Variants in SASH1 observed in about 807,000 individuals in gnomAD.
SASH1 encodes SAM and SH3 domain containing 1, also known as SAM and SH3 domain-containing protein 1.
In SASH1, 44 loss-of-function variants were observed where a neutral mutation model predicts 125.2. The ratio of observed to expected loss-of-function variants is 0.35; its 90% CI spans 0.28 to 0.45. SASH1 has a LOEUF of 0.45. SASH1 is among the 20% of genes least tolerant of loss of function. The probability of loss-of-function intolerance (pLI) is 1.00; values close to 1 mark genes in which losing one functional copy is unlikely to be tolerated. For synonymous variants in SASH1, 639 were observed against 649.1 expected (o/e 0.98, Z 0.24); for missense variants, 1,426 against 1,614.5 (o/e 0.88, Z 2.00).
chr6:148,322,351 C>G (rs1780654541), intron 1 of SASH1, among the ~76,000 whole-genome samples: 2 of 152,054 alleles, frequency 1.3e-5, no homozygotes, highest in Admixed American at 1.3e-4. Context: ...GACTCAGTCT[C>G]AAATAAAATA....
chr6:148,487,563 C>A (rs775002656), intron 7 of SASH1, 51 bp from the exon 8 acceptor site: 16 of 1,345,050 alleles, frequency 1.2e-5, no homozygotes, highest in Non-Finnish European at 1.6e-5. Context: ...AAAGGTCTGG[C>A]CAGTGTCTGG....
intron 2 of SASH1, among the ~76,000 whole-genome samples, chr6:148,423,925 ATAACT>A (rs986787938): frequency 6.6e-6 from 1 of 152,062 alleles, no homozygotes. Flanking sequence ...TTATACCACA[ATAACT>A]TAATTTCATT....
At chr6:148,266,234 G>T in the SASH1 span, among the ~76,000 whole-genome samples, 19 of 152,294 alleles carry the variant, frequency 1.2e-4, 1 homozygote, top group South Asian at 3.9e-3. Flanking sequence ...CTCCCAAAGT[G>T]CTGGGATTAC....
intron 1 of SASH1, among the ~76,000 whole-genome samples, chr6:148,389,197 G>C (rs979201838): frequency 4.6e-5 from 7 of 152,162 alleles, no homozygotes; most frequent in African/African-American, 1.4e-4. Context: ...ACACGAGCCG[G>C]CTAAAGTCTA....
At chr6:148,449,221 C>T (rs1036675498) in intron 4 of SASH1, among the ~76,000 whole-genome samples, 2 of 150,266 alleles carry the variant, frequency 1.3e-5, no homozygotes. Flanking sequence ...AGGCATGTGC[C>T]ACCACGCCCA....
At chr6:148,515,607 G>A (rs866892592) in intron 9 of SASH1, among the ~76,000 whole-genome samples, 5 of 152,134 alleles carry the variant, frequency 3.3e-5, no homozygotes, top group African/African-American at 7.2e-5. Flanking sequence ...TTTCAGTTCC[G>A]GGGTTTCATT....
the SASH1 span, among the ~76,000 whole-genome samples, chr6:148,227,807 A>G: frequency 3.9e-5 from 6 of 152,230 alleles, no homozygotes; most frequent in Non-Finnish European, 7.3e-5. Flanking sequence ...CATCACCTGA[A>G]ATAGGAGAAA....
intron 8 of SASH1, chr6:148,513,562 T>C: frequency 5.1e-6 from 5 of 985,502 alleles, no homozygotes; most frequent in Non-Finnish European, 4.8e-6. Flanking sequence ...TATTTTTCCC[T>C]CTCTCTGTAA....
intron 2 of SASH1, among the ~76,000 whole-genome samples, chr6:148,398,998 T>C (rs1342035653): frequency 1.3e-5 from 2 of 152,162 alleles, no homozygotes; most frequent in Non-Finnish European, 2.9e-5. Flanking sequence ...CCAGATTTGA[T>C]CTTGGCATTC....
chr6:148,301,745 ATTT>A (rs34707015), intron 1 of SASH1, among the ~76,000 whole-genome samples: 28,838 of 102,588 alleles, frequency 0.28, 3,567 homozygotes, highest in South Asian at 0.37. Flanking sequence ...CATCTTGGTG[ATTT>A]TTTTTTTTTT....
At chr6:148,194,871 A>C in the SASH1 span, among the ~76,000 whole-genome samples, 1 of 152,342 alleles carries the variant, frequency 6.6e-6, no homozygotes, top group Non-Finnish European at 1.5e-5. Flanking sequence ...GCGCCACTGC[A>C]CTCCAGCCTG....
chr6:148,425,499 T>G (rs909378725), intron 2 of SASH1, among the ~76,000 whole-genome samples: 1 of 152,186 alleles, frequency 6.6e-6, no homozygotes, highest in Non-Finnish European at 1.5e-5. Flanking sequence ...GAGATCATCA[T>G]TAAACATCTT....
At chr6:148,400,552 C>A (rs1784131144) in intron 2 of SASH1, among the ~76,000 whole-genome samples, 1 of 152,040 alleles carries the variant, frequency 6.6e-6, no homozygotes, top group Non-Finnish European at 1.5e-5. Context: ...GAGTTTGAGA[C>A]CAGCCTGGGT....
intron 8 of SASH1, among the ~76,000 whole-genome samples, 186 bp downstream of exon 8, chr6:148,487,901 TATC>T (rs1318700445): frequency 5.3e-5 from 8 of 151,864 alleles, no homozygotes; most frequent in African/African-American, 1.9e-4. Flanking sequence ...AAAATAGTGT[TATC>T]ATGCTGGGGT....
intron 1 of SASH1, among the ~76,000 whole-genome samples, chr6:148,354,723 A>G (rs529405004): frequency 2.0e-5 from 3 of 152,318 alleles, no homozygotes; most frequent in South Asian, 2.1e-4. Flanking sequence ...TTGAGGAAGA[A>G]CTATAAGCCT....
chr6:148,537,805 TGTGTG>T (rs1781947443), intron 16 of SASH1, among the ~76,000 whole-genome samples: 1 of 148,982 alleles, frequency 6.7e-6, no homozygotes, highest in Non-Finnish European at 1.5e-5. Context: ...TGTGTGTGTG[TGTGTG>T]TGTGTGTGTG....
At chr6:148,444,655 C>T (rs1776698841) in intron 4 of SASH1, among the ~76,000 whole-genome samples, 1 of 152,200 alleles carries the variant, frequency 6.6e-6, no homozygotes, top group Admixed American at 6.5e-5. Flanking sequence ...TTCATTTGAG[C>T]CTCTTCTCTT....
At chr6:148,496,924 A>C (rs1779339130) in intron 8 of SASH1, among the ~76,000 whole-genome samples, 1 of 152,094 alleles carries the variant, frequency 6.6e-6, no homozygotes, top group South Asian at 2.1e-4. Flanking sequence ...AATAATGTAT[A>C]CTGATCTTAG....
chr6:148,406,796 A>C (rs1038109062), intron 2 of SASH1, among the ~76,000 whole-genome samples: 5 of 150,468 alleles, frequency 3.3e-5, no homozygotes, highest in Non-Finnish European at 1.5e-5. Flanking sequence ...AGCAGAGAGA[A>C]TCAGGCTCTC....
Sources: gnomAD v4.1 joint callset for allele counts (sites outside exome capture counted in the v4.1 genomes callset) on GRCh38, gnomAD v4.1.1 for gene constraint, MANE v1.5 for transcripts, NCBI Gene and HGNC (gene_info 2026-07-23, HGNC 2026-07-21) for gene names.